The following NFKBIZ variants were observed in gnomAD, a reference collection of about 807,000 sequenced individuals.
NFKBIZ encodes NFKB inhibitor zeta, also known as NF-kappa-B inhibitor zeta.
In NFKBIZ, 19 loss-of-function variants were observed where a neutral mutation model predicts 76.8. That is an observed-to-expected ratio of 0.25 (90% CI 0.17 to 0.36). The LOEUF (loss-of-function observed/expected upper bound fraction) is 0.36, where lower values mean the gene tolerates loss of function less well. NFKBIZ is among the 10% of genes least tolerant of loss of function. The pLI is 1.00. For missense variants in NFKBIZ, 829 were observed against 910.9 expected, an observed-to-expected ratio of 0.91 and a Z score of 1.16; for synonymous variants, 368 against 354.8, an observed-to-expected ratio of 1.04 and a Z score of -0.42.
intron 2 of NFKBIZ, among the ~76,000 whole-genome samples, chr3:101,834,801 T>C (rs1942694013): frequency 6.6e-6 from 1 of 152,226 alleles, no homozygotes; most frequent in Admixed American, 6.5e-5. Context: ...TTGCAGAGTC[T>C]TTCCTGATCA....
At chr3:101,851,481 A>G (rs947882847) in intron 1 of NFKBIZ, among the ~76,000 whole-genome samples, 2 of 152,166 alleles carry the variant, frequency 1.3e-5, no homozygotes, top group African/African-American at 4.8e-5. Flanking sequence ...ATTGAAGGAA[A>G]TAATAAGACA....
chr3:101,833,169 T>C (rs1028138900), intron 2 of NFKBIZ, among the ~76,000 whole-genome samples: 7 of 152,232 alleles, frequency 4.6e-5, no homozygotes, highest in African/African-American at 1.7e-4. Context: ...CAGATCTTTT[T>C]GGAAATTTGG....
intron 2 of NFKBIZ, among the ~76,000 whole-genome samples, chr3:101,836,113 G>C (rs1363531228): frequency 6.6e-6 from 1 of 152,178 alleles, no homozygotes; most frequent in East Asian, 1.9e-4. Context: ...GGTGAGGGTA[G>C]AGGGACAGAG....
Position 101,828,323 on chromosome 3 carries a change from G to A in NFKBIZ, c.-88+139G>A, listed in dbSNP as rs140906682. On this transcript the variant is annotated intron_variant, in intron 1 of 12. Coordinates refer to the NFKBIZ transcript ENST00000394054. ...TGTTTGAGTAGCCATACTTGCTTTG[G>A]GGCAAAATATTGGGGGATAGTTTTT... is the stretch of plus-strand genomic sequence containing the variant. 134 of 152,052 alleles carry A rather than the reference G, an allele frequency of 8.8e-4. 1 individual carries two copies. The highest frequency in any genetic ancestry group is 2.8e-3 in the African/African-American group (118 of 41,460). The allele number at this position is 152,052 out of a possible 1,614,324, so 9.4% of individuals were successfully genotyped here. A position where few individuals can be genotyped will look rare whatever the true frequency, so the allele number is the denominator to read the frequency against.
intron 1 of NFKBIZ, among the ~76,000 whole-genome samples, chr3:101,851,117 T>A (rs992398759): frequency 6.6e-6 from 1 of 152,242 alleles, no homozygotes; most frequent in African/African-American, 2.4e-5. Flanking sequence ...ACTGTTTATC[T>A]CATGTATTTA....
At chr3:101,833,562 G>T (rs1942675999) in intron 2 of NFKBIZ, among the ~76,000 whole-genome samples, 1 of 152,192 alleles carries the variant, frequency 6.6e-6, no homozygotes, top group South Asian at 2.1e-4. Context: ...AATTTGAGGT[G>T]GAAGATAAGA....
At chr3:101,855,993 T>G in intron 9 of NFKBIZ, 91 bp downstream of exon 9, 1 of 1,210,730 alleles carries the variant, frequency 8.3e-7, no homozygotes, top group Non-Finnish European at 1.1e-6. Context: ...TCAAACTTCT[T>G]TCTTTTTTTT....
intron 2 of NFKBIZ, among the ~76,000 whole-genome samples, chr3:101,843,516 G>A (rs1282339970): frequency 6.6e-6 from 1 of 152,196 alleles, no homozygotes; most frequent in Admixed American, 6.5e-5. Context: ...ATACACAAAT[G>A]TAGTTGGTAA....
rs898854975 is a variant in NFKBIZ, at chr3:101,830,609, G to A, written c.-12+921G>A. Reference sequence around the variant, plus strand: ...TCTGTTCCTGTGTTAATTCACTTGGGATAATGGCCTCCAGCTGCATCCATG... The same window carrying A: ...TCTGTTCCTGTGTTAATTCACTTGGAATAATGGCCTCCAGCTGCATCCATG... On this transcript the variant is annotated intron_variant, in intron 2 of 12. Coordinates refer to the NFKBIZ transcript ENST00000394054. Among the ~76,000 whole-genome samples the A allele has an allele frequency of 3.3e-5, 5 of 152,270 alleles. No homozygotes were observed. In the South Asian group the frequency reaches 8.3e-4, roughly 25 times the overall value.
chr3:101,853,155 A>G lies in NFKBIZ; in HGVS notation c.629A>G (p.Gln210Arg). 1 of 1,614,188 alleles carries G rather than the reference A, an allele frequency of 6.2e-7. No individual in the cohort carries two copies. The highest frequency in any genetic ancestry group is 8.5e-7 in the Non-Finnish European group (1 of 1,180,024). Residue 210 changes from glutamine to arginine, a missense_variant, in exon 5 of 12, where the codon CAG becomes CGG. Gln to Arg is a conservative substitution (Grantham distance 43, BLOSUM62 1). Around this residue, in one of 4 missense-constraint regions of NFKBIZ, gnomAD observed 371 missense variants for 332.3 expected, o/e 1.12. Coordinates refer to ENST00000326172, the MANE Select transcript of NFKBIZ (RefSeq NM_031419.4). ...MEDVHLNEPK[Q>R]ESSADLLQNI... ...GATGTTCATCTCAATGAACCCAAAC[A>G]GGAGAGCAGTGCTGATCTGCTTCAG... is the stretch of plus-strand genomic sequence containing the variant.
At chr3:101,843,799 C>T (rs1192448348) in intron 2 of NFKBIZ, among the ~76,000 whole-genome samples, 5 of 152,090 alleles carry the variant, frequency 3.3e-5, no homozygotes, top group Admixed American at 2.0e-4. Flanking sequence ...TTGAGTTATG[C>T]AAATTTTCTA....
chr3:101,853,464 T>G lies in NFKBIZ; in HGVS notation c.938T>G (p.Phe313Cys). The G allele has an allele frequency of 3.1e-6, 5 of 1,614,202 alleles. No individual in the cohort carries two copies. The South Asian group carries it at 5.5e-5, about 18-fold the overall frequency. ...AAACCAACTCTGGAATACAGTCCTT[T>G]TCCCATACCTCCCCAGTCCCCCGCT... ...THKPTLEYSP[F>C]PIPPQSPAYE... is the part of the protein sequence containing the mutation. Residue 313 changes from phenylalanine to cysteine, a missense_variant, in exon 5 of 12, where the codon TTT becomes TGT. Phe to Cys is a radical substitution (Grantham distance 205). Around this residue, in one of 4 missense-constraint regions of NFKBIZ, gnomAD observed 371 missense variants for 332.3 expected, o/e 1.12. Coordinates refer to ENST00000326172, the MANE Select transcript of NFKBIZ (RefSeq NM_031419.4).
Position 101,855,899 on chromosome 3 carries a change from G to C in NFKBIZ, c.1821G>C (p.Ala607=). 6.2e-7 allele frequency: 1 copy of C among 1,602,372 alleles called. No individual in the cohort carries two copies. Among genetic ancestry groups the C allele is most frequent in the East Asian group, 2.2e-5 (1 of 44,678 alleles). ...TTCAAATGGGAGCAGCGGTGGAAGCGAAGGTAAATTCACAGAAAAGGTTTA... is the reference window on the plus strand; with the variant it reads ...TTCAAATGGGAGCAGCGGTGGAAGCCAAGGTAAATTCACAGAAAAGGTTTA... ...CLIQMGAAVE[A]KDRKSGRTAL... The change falls in exon 9 of 12, where the codon GCG becomes GCC. Residue 607 remains alanine, a synonymous_variant. Transcript: ENST00000326172.
intron 11 of NFKBIZ, chr3:101,858,141 T>C: frequency 2.0e-5 from 20 of 984,094 alleles, no homozygotes; most frequent in Non-Finnish European, 2.4e-5. Context: ...CTGGGAGGAA[T>C]GAGGGGGATT....
At chr3:101,832,375 T>C (rs969552703) in intron 2 of NFKBIZ, among the ~76,000 whole-genome samples, 2 of 152,216 alleles carry the variant, frequency 1.3e-5, no homozygotes, top group Non-Finnish European at 2.9e-5. Flanking sequence ...CTAAGTACTT[T>C]TCATATTACA....
intron 4 of NFKBIZ, 37 bp downstream of exon 4, chr3:101,853,026 G>A: frequency 6.2e-7 from 1 of 1,612,536 alleles, no homozygotes; most frequent in Non-Finnish European, 8.5e-7. Flanking sequence ...CTATCCTTTG[G>A]AAATTATTCC....
At position 101,855,786 on chromosome 3, in the gene NFKBIZ, C is replaced by T. The variant is rs1489452958; in HGVS notation, c.1708C>T (p.Leu570Phe). The T allele has an allele frequency of 1.2e-5, 19 of 1,613,900 alleles. No individual in the cohort carries two copies. Among genetic ancestry groups the T allele is most frequent in the Non-Finnish European group, 1.5e-5 (18 of 1,179,972 alleles). ...AGCCCACAATGCTGTGGTCCATGAA[C>T]TCCAGAGAAATCAACAGCCTCATTC... Reference protein sequence around the residue: ...VIAHNAVVHELQRNQQPHSPE... With the variant: ...VIAHNAVVHEFQRNQQPHSPE... Residue 570 changes from leucine (L) to phenylalanine (F), a missense_variant, in exon 9 of 12, where the codon CTC becomes TTC. Physicochemically the swap from Leu to Phe is conservative, Grantham distance 22. Coordinates refer to ENST00000326172, the MANE Select transcript of NFKBIZ (RefSeq NM_031419.4).
chr3:101,853,565 C>G lies in NFKBIZ; in HGVS notation c.1039C>G (p.Gln347Glu). Residue 347 changes from glutamine (Q) to glutamate (E), a missense_variant, in exon 5 of 12, where the codon CAA (glutamine) becomes GAA (glutamate). Coordinates refer to ENST00000326172, the MANE Select transcript of NFKBIZ (RefSeq NM_031419.4). ...NQSLVSLLGDQRESENIANPM... is the reference protein window; with the variant it reads ...NQSLVSLLGDERESENIANPM... ...AAGCTTAGTTTCCCTTCTTGGTGAT[C>G]AAAGGGAATCTGAGAATATTGCTAA... is the stretch of plus-strand genomic sequence containing the variant. 3 of 1,614,212 alleles carry G rather than the reference C, an allele frequency of 1.9e-6. No homozygotes were observed. The highest frequency in any genetic ancestry group is 2.5e-6 in the Non-Finnish European group (3 of 1,180,032).
intron 2 of NFKBIZ, among the ~76,000 whole-genome samples, chr3:101,831,874 A>C (rs1029750747): frequency 6.6e-6 from 1 of 152,018 alleles, no homozygotes; most frequent in African/African-American, 2.4e-5. Flanking sequence ...TCCTGACCTC[A>C]AGTGATCCAT....
Sources: gnomAD v4.1 joint callset for allele counts (sites outside exome capture counted in the v4.1 genomes callset) on GRCh38, gnomAD v4.1.1 for gene constraint, gnomAD v4.1.1 regional missense constraint, MANE v1.5 for transcripts, NCBI Gene and HGNC (gene_info 2026-07-23, HGNC 2026-07-21) for gene names.